Variants in PLA2G4A observed in about 807,000 individuals in gnomAD.
PLA2G4A encodes cytosolic phospholipase A2.
A neutral mutation model predicts 81.9 loss-of-function variants in PLA2G4A; 40 were observed. The observed-to-expected ratio is 0.49, with a 90% confidence interval of 0.38 to 0.64. The LOEUF (loss-of-function observed/expected upper bound fraction) is 0.64. Ranked by LOEUF, PLA2G4A falls within the 30% of genes least tolerant of loss-of-function variation. PLA2G4A has a pLI of 0.00. For synonymous variants in PLA2G4A, 302 were observed against 296.9 expected (o/e 1.02, Z -0.18); for missense variants, 715 against 905.1 (o/e 0.79, Z 2.69).
intron 1 of PLA2G4A, among the ~76,000 whole-genome samples, chr1:186,853,109 C>T (rs553302481): frequency 1.2e-4 from 18 of 151,752 alleles, no homozygotes; most frequent in African/African-American, 2.9e-4. Context: ...GAATGAAGAA[C>T]GGGGGGAATC....
At chr1:186,841,293 T>G (rs1250801109) in intron 1 of PLA2G4A, among the ~76,000 whole-genome samples, 2 of 152,216 alleles carry the variant, frequency 1.3e-5, no homozygotes, top group East Asian at 3.9e-4. Context: ...CAGTTATTTG[T>G]TTTCCTCAAA....
At chr1:186,983,306 C>T (rs2102304632) in intron 17 of PLA2G4A, among the ~76,000 whole-genome samples, 1 of 152,234 alleles carries the variant, frequency 6.6e-6, no homozygotes, top group East Asian at 1.9e-4. Context: ...GGTGGATGGA[C>T]ATTGTGAATA....
intron 7 of PLA2G4A, among the ~76,000 whole-genome samples, chr1:186,929,746 T>C (rs1207884043): frequency 6.6e-6 from 1 of 152,136 alleles, no homozygotes; most frequent in Non-Finnish European, 1.5e-5. Context: ...CTTCTTTATG[T>C]TTAAATTGCT....
chr1:186,895,286 C>A (rs1024494191), intron 5 of PLA2G4A, among the ~76,000 whole-genome samples: 3 of 152,162 alleles, frequency 2.0e-5, no homozygotes, highest in African/African-American at 7.2e-5. Context: ...CAACTTAGCC[C>A]AAATGAGCTT....
chr1:186,968,160 A>G (rs1414062806), intron 15 of PLA2G4A, among the ~76,000 whole-genome samples: 4 of 152,080 alleles, frequency 2.6e-5, no homozygotes, highest in Middle Eastern at 3.2e-3. Context: ...CAAAGCCATC[A>G]TTTTACATGT....
chr1:186,859,864 G>C (rs890966920), intron 2 of PLA2G4A, among the ~76,000 whole-genome samples: 5 of 151,878 alleles, frequency 3.3e-5, no homozygotes, highest in African/African-American at 1.2e-4. Context: ...TGCTGTGTCT[G>C]CTTCACAGAG....
chr1:186,933,033 C>A, intron 8 of PLA2G4A, 134 bp downstream of exon 8: 2 of 697,292 alleles, frequency 2.9e-6, no homozygotes, highest in East Asian at 2.7e-5. Context: ...CAGTTTGATG[C>A]CACAATCTGC....
rs528434783 is a variant in PLA2G4A at position 186,921,777 on chromosome 1, G to A, written c.558+10388G>A. Among the ~76,000 whole-genome samples, 15 of 152,218 alleles carry A rather than the reference G, an allele frequency of 9.9e-5. 1 individual carries two copies. In the East Asian group the frequency reaches 2.5e-3, roughly 26 times the overall value. ...CTTTTGGTCCCGACTTCCCTCGGTG[G>A]GTGGAGGGAGAACCTTCCTTAACTA... is the stretch of plus-strand genomic sequence containing the variant. On this transcript the variant is annotated intron_variant, in intron 7 of 17. Coordinates refer to ENST00000367466, the MANE Select transcript of PLA2G4A (RefSeq NM_024420.3).
chr1:186,943,078 G>T (rs1220848261), intron 10 of PLA2G4A, among the ~76,000 whole-genome samples: 1 of 152,162 alleles, frequency 6.6e-6, no homozygotes, highest in Non-Finnish European at 1.5e-5. Flanking sequence ...AAGTGGCTGT[G>T]TAGAAGAAAA....
chr1:186,945,365 C>T lies in PLA2G4A; in HGVS notation c.1034-1272C>T, dbSNP rs374384261. 9.9e-5 allele frequency among the ~76,000 whole-genome samples: 15 copies of T among 152,194 alleles called. 1 individual carries two copies. Among genetic ancestry groups the T allele is most frequent in the East Asian group, 7.7e-4 (4 of 5,180 alleles). ...GATCTAGGCCAGGACGGAAACTTGTCGGCCCTGTTTTTATTTTCAGTGTAA... is the reference window on the plus strand; with the variant it reads ...GATCTAGGCCAGGACGGAAACTTGTTGGCCCTGTTTTTATTTTCAGTGTAA... On this transcript the variant is annotated intron_variant, in intron 10 of 17. Coordinates refer to ENST00000367466, the MANE Select transcript of PLA2G4A (RefSeq NM_024420.3).
At chr1:186,985,609 G>T (rs914017498) in intron 17 of PLA2G4A, among the ~76,000 whole-genome samples, 24 of 152,062 alleles carry the variant, frequency 1.6e-4, no homozygotes, top group African/African-American at 5.6e-4. Context: ...CTACAAATTT[G>T]TTTCTTATGT....
chr1:186,919,986 C>T (rs921096405), intron 7 of PLA2G4A, among the ~76,000 whole-genome samples: 2 of 152,068 alleles, frequency 1.3e-5, no homozygotes, highest in African/African-American at 4.8e-5. Flanking sequence ...CTCTGGGAAC[C>T]GGATACTGCT....
In PLA2G4A at chr1:186,954,267, A is replaced by T. The variant is rs1437101747; in HGVS notation, c.1337-1835A>T. 2.0e-5 allele frequency among the ~76,000 whole-genome samples: 3 copies of T among 152,248 alleles called. No individual in the cohort carries two copies. The East Asian group carries it at 5.8e-4, about 29-fold the overall frequency. Reference sequence around the variant, plus strand: ...ATGGAATACTATATAGCCATAAAAAAGGATGGGTTCATGTCCTTTGCAGGA... The same window carrying T: ...ATGGAATACTATATAGCCATAAAAATGGATGGGTTCATGTCCTTTGCAGGA... On this transcript the variant is annotated intron_variant, in intron 13 of 17. Coordinates refer to ENST00000367466, the MANE Select transcript of PLA2G4A (RefSeq NM_024420.3).
intron 7 of PLA2G4A, among the ~76,000 whole-genome samples, chr1:186,912,879 G>A (rs550521807): frequency 2.7e-5 from 4 of 146,956 alleles, no homozygotes; most frequent in Non-Finnish European, 4.5e-5. Flanking sequence ...GCATACTTAC[G>A]CATAAAGGAG....
intron 7 of PLA2G4A, among the ~76,000 whole-genome samples, chr1:186,926,763 A>T (rs1655564468): frequency 6.6e-6 from 1 of 152,190 alleles, no homozygotes; most frequent in Non-Finnish European, 1.5e-5. Context: ...TTGTAAAATG[A>T]TGATAATGTC....
At chr1:186,977,465 G>A in intron 15 of PLA2G4A, 128 bp from the exon 16 acceptor site, 1 of 678,320 alleles carries the variant, frequency 1.5e-6, no homozygotes, top group Non-Finnish European at 2.7e-6. Flanking sequence ...ACAGGGTCGT[G>A]ATTCATCCTA....
intron 7 of PLA2G4A, among the ~76,000 whole-genome samples, chr1:186,915,720 C>T (rs1655112920): frequency 6.6e-6 from 1 of 152,120 alleles, no homozygotes; most frequent in African/African-American, 2.4e-5. Context: ...GGTGGGTCCA[C>T]ACGATTTGCA....
intron 7 of PLA2G4A, among the ~76,000 whole-genome samples, chr1:186,929,981 C>T (rs1284059438): frequency 6.6e-6 from 1 of 152,028 alleles, no homozygotes; most frequent in Non-Finnish European, 1.5e-5. Flanking sequence ...CCCTTGAGCC[C>T]AGGAGTTTAA....
intron 2 of PLA2G4A, among the ~76,000 whole-genome samples, chr1:186,856,387 T>C (rs1034346036): frequency 4.0e-5 from 6 of 150,668 alleles, no homozygotes; most frequent in African/African-American, 7.4e-5. Flanking sequence ...TTCCAATTAG[T>C]TGTTGCTTTT....
Sources: gnomAD v4.1 joint callset for allele counts (sites outside exome capture counted in the v4.1 genomes callset) on GRCh38, gnomAD v4.1.1 for gene constraint, MANE v1.5 for transcripts, NCBI Gene and HGNC (gene_info 2026-07-23, HGNC 2026-07-21) for gene names.